Variants in ZBTB20 observed in about 807,000 individuals in gnomAD.
ZBTB20 encodes zinc finger and BTB domain containing 20, also known as zinc finger and BTB domain-containing protein 20.
In ZBTB20, 9 loss-of-function variants were observed where a neutral mutation model predicts 56.9. The ratio of observed to expected loss-of-function variants is 0.16; its 90% confidence interval spans 0.10 to 0.28. The LOEUF (loss-of-function observed/expected upper bound fraction) is 0.28, where lower values mean the gene tolerates loss of function less well. Among genes scored for constraint, ZBTB20 ranks in the 10% least tolerant of loss-of-function variants. The pLI, the probability that ZBTB20 is intolerant of heterozygous loss-of-function variation, is 1.00. For missense variants in ZBTB20, 655 were observed against 1,003.0 expected, an observed-to-expected ratio of 0.65 and a Z score of 4.69; for synonymous variants, 417 against 420.7, an observed-to-expected ratio of 0.99 and a Z score of 0.11.
chr3:114,939,798 T>C lies in ZBTB20; in HGVS notation c.-456+34568A>G, dbSNP rs1298839716. 2.1e-5 allele frequency among the ~76,000 whole-genome samples: 3 copies of C among 145,582 alleles called. 1 individual carries two copies. The highest frequency in any genetic ancestry group is 8.5e-5 in the African/African-American group (3 of 35,446). On this transcript the variant is annotated intron_variant, in intron 3 of 11. Coordinates refer to ENST00000675478, the MANE Select transcript of ZBTB20 (RefSeq NM_001348800.3). ...GGAGGATTACTCGATGAGCCCAGAGTTCAAGGCTGTAGTGAGTGATTATTG... is the reference window on the plus strand; with the variant it reads ...GGAGGATTACTCGATGAGCCCAGAGCTCAAGGCTGTAGTGAGTGATTATTG...
At chr3:114,425,668 G>T (rs759195542) in intron 7 of ZBTB20, among the ~76,000 whole-genome samples, 18 of 152,188 alleles carry the variant, frequency 1.2e-4, no homozygotes, top group African/African-American at 4.3e-4. Flanking sequence ...TGCATCTGAA[G>T]GGCTGATGCA....
chr3:114,542,390 T>G (rs1163201190), intron 6 of ZBTB20, among the ~76,000 whole-genome samples: 2 of 152,114 alleles, frequency 1.3e-5, no homozygotes, highest in Non-Finnish European at 2.9e-5. Flanking sequence ...ATAACTATAA[T>G]AAAAACTCCT....
chr3:115,075,232 T>C (rs576607621), intron 1 of ZBTB20, among the ~76,000 whole-genome samples: 1 of 152,282 alleles, frequency 6.6e-6, no homozygotes, highest in South Asian at 2.1e-4. Flanking sequence ...CTAGAACTTA[T>C]TCATCTGCTT....
chr3:114,590,011 G>A (rs139472069), intron 6 of ZBTB20, among the ~76,000 whole-genome samples: 12 of 152,254 alleles, frequency 7.9e-5, no homozygotes, highest in Non-Finnish European at 1.5e-5. Context: ...GAAGGAAATG[G>A]TCTGAGTATA....
chr3:114,664,412 T>C (rs1465893441), intron 6 of ZBTB20, among the ~76,000 whole-genome samples: 1 of 152,092 alleles, frequency 6.6e-6, no homozygotes, highest in Non-Finnish European at 1.5e-5. Flanking sequence ...GATTAAACAA[T>C]ATTGGAGTTT....
At chr3:115,091,161 A>C (rs2083179433) in intron 1 of ZBTB20, among the ~76,000 whole-genome samples, 1 of 152,004 alleles carries the variant, frequency 6.6e-6, no homozygotes, top group Non-Finnish European at 1.5e-5. Context: ...ATCCATTATA[A>C]TACTATTTAC....
At chr3:115,092,988 T>C (rs931711835) in intron 1 of ZBTB20, among the ~76,000 whole-genome samples, 1 of 152,140 alleles carries the variant, frequency 6.6e-6, no homozygotes, top group Non-Finnish European at 1.5e-5. Flanking sequence ...ATTATCTACA[T>C]ATATAGCTAC....
In ZBTB20 at chr3:114,324,349, G is replaced by A. The variant is rs1242346443; in HGVS notation, c.*14656C>T. The A allele has an allele frequency of 6.6e-6, 1 of 152,140 alleles. No homozygotes were observed. Among genetic ancestry groups the A allele is most frequent in the African/African-American group, 2.4e-5 (1 of 41,428 alleles). 9.4% of individuals were successfully genotyped at this position (152,140 alleles called of 1,614,324 possible). A position where few individuals can be genotyped will look rare whatever the true frequency, so the allele number is the denominator to read the frequency against. ...TTGAAACACGGTCCTAAATTTAACA[G>A]TGCTGGGCTTTTATTTTTGAATAGT... is the stretch of plus-strand genomic sequence containing the variant. On this transcript the variant is annotated 3_prime_UTR_variant, in exon 12 of 12. Coordinates refer to ENST00000675478, the MANE Select transcript of ZBTB20 (RefSeq NM_001348800.3).
At chr3:114,594,930 T>C (rs186063446) in intron 6 of ZBTB20, among the ~76,000 whole-genome samples, 1 of 152,384 alleles carries the variant, frequency 6.6e-6, no homozygotes, top group East Asian at 1.9e-4. Flanking sequence ...TTAGAAGCTG[T>C]GCATGTTAGT....
intron 1 of ZBTB20, among the ~76,000 whole-genome samples, chr3:115,123,007 A>C (rs937322015): frequency 6.6e-6 from 1 of 152,028 alleles, no homozygotes; most frequent in African/African-American, 2.4e-5. Flanking sequence ...AACATGCATG[A>C]TTTTTCATAA....
intron 6 of ZBTB20, among the ~76,000 whole-genome samples, chr3:114,574,084 T>C (rs1304003052): frequency 1.3e-5 from 2 of 152,198 alleles, no homozygotes; most frequent in African/African-American, 2.4e-5. Context: ...TTATAAACTT[T>C]TCCTAATAAA....
At chr3:114,493,358 T>A (rs1476062660) in intron 7 of ZBTB20, among the ~76,000 whole-genome samples, 1 of 152,196 alleles carries the variant, frequency 6.6e-6, no homozygotes, top group Non-Finnish European at 1.5e-5. Context: ...TGTACAGGTG[T>A]TGTACAGTTA....
chr3:114,790,418 A>G lies in ZBTB20; in HGVS notation c.-343+10683T>C, dbSNP rs1288201402. Among the ~76,000 whole-genome samples the G allele has an allele frequency of 4.6e-5, 7 of 152,086 alleles. No homozygotes were observed. In the East Asian group the frequency reaches 1.3e-3, roughly 29 times the overall value. The stretch of plus-strand genomic sequence containing the variant: ...TCATGTTCATATAAACATACGCAAC[A>G]TATTTATTCATAAATACTCATTACC... On this transcript the variant is annotated intron_variant, in intron 5 of 11. Transcript: ENST00000675478.
intron 7 of ZBTB20, among the ~76,000 whole-genome samples, chr3:114,487,577 T>C (rs575427016): frequency 4.1e-4 from 62 of 152,346 alleles, no homozygotes; most frequent in African/African-American, 1.4e-3. Flanking sequence ...GGTCAAGGAA[T>C]GCTCCAATTA....
At chr3:115,146,785 G>A (rs1262141634) in intron 1 of ZBTB20, among the ~76,000 whole-genome samples, 2 of 152,152 alleles carry the variant, frequency 1.3e-5, no homozygotes, top group African/African-American at 4.8e-5. Context: ...CTGAGCCCCG[G>A]CTAGTCCCCC....
At chr3:114,420,601 G>T (rs1261932535) in intron 7 of ZBTB20, among the ~76,000 whole-genome samples, 2 of 152,236 alleles carry the variant, frequency 1.3e-5, no homozygotes, top group East Asian at 3.9e-4. Flanking sequence ...ATACTATCCA[G>T]TCTTTCCCAT....
At chr3:114,363,636 T>C (rs905699374) in intron 10 of ZBTB20, among the ~76,000 whole-genome samples, 6 of 152,144 alleles carry the variant, frequency 3.9e-5, no homozygotes, top group African/African-American at 1.2e-4. Context: ...AAATAGAATA[T>C]GAGGCACACA....
intron 5 of ZBTB20, among the ~76,000 whole-genome samples, chr3:114,787,217 T>A (rs974480099): frequency 6.6e-6 from 1 of 151,166 alleles, no homozygotes; most frequent in Non-Finnish European, 1.5e-5. Context: ...GGCTCAAGCA[T>A]TCCTCCTCCC....
chr3:114,404,586 G>T (rs1178608894), intron 7 of ZBTB20, among the ~76,000 whole-genome samples: 1 of 152,064 alleles, frequency 6.6e-6, no homozygotes, highest in African/African-American at 2.4e-5. Flanking sequence ...CATTTTCAAA[G>T]AGAATGGTAC....
Sources: gnomAD v4.1 joint callset for allele counts (sites outside exome capture counted in the v4.1 genomes callset) on GRCh38, gnomAD v4.1.1 for gene constraint, MANE v1.5 for transcripts, NCBI Gene and HGNC (gene_info 2026-07-23, HGNC 2026-07-21) for gene names.